The following LRP1B variants were observed in gnomAD, a reference collection of about 807,000 sequenced individuals.
LRP1B encodes the protein low-density lipoprotein receptor-related protein 1B.
Under a neutral mutation model 556.6 loss-of-function variants are expected in LRP1B, and 217 were observed. The ratio of observed to expected loss-of-function variants is 0.39; its 90% CI spans 0.35 to 0.44. The LOEUF (loss-of-function observed/expected upper bound fraction) is 0.44, where lower values mean the gene tolerates loss of function less well. Ranked by LOEUF, LRP1B falls within the 20% of genes least tolerant of loss-of-function variation. The pLI, the probability that LRP1B is intolerant of heterozygous loss-of-function variation, is 1.00. For missense variants in LRP1B, 5,053 were observed against 5,620.8 expected, an observed-to-expected ratio of 0.90 and a Z score of 3.23; for synonymous variants, 2,047 against 1,865.8, an observed-to-expected ratio of 1.10 and a Z score of -2.50.
chr2:140,614,558 C>T (rs1683192982), intron 41 of LRP1B, among the ~76,000 whole-genome samples: 3 of 151,956 alleles, frequency 2.0e-5, no homozygotes, highest in Non-Finnish European at 4.4e-5. Context: ...AGAATAAGAG[C>T]AGAAAATTGG....
chr2:140,570,547 G>A (rs1294233993), intron 43 of LRP1B, among the ~76,000 whole-genome samples: 3 of 151,644 alleles, frequency 2.0e-5, no homozygotes, highest in African/African-American at 7.3e-5. Flanking sequence ...TCTCCCATCA[G>A]AGAAAGGCCC....
intron 3 of LRP1B, among the ~76,000 whole-genome samples, chr2:141,378,223 G>T (rs1689508615): frequency 6.6e-6 from 1 of 152,130 alleles, no homozygotes; most frequent in Non-Finnish European, 1.5e-5. Context: ...AGCCTGTGAA[G>T]AAACAAAAGA....
intron 29 of LRP1B, among the ~76,000 whole-genome samples, chr2:140,848,012 AT>A (rs535761297): frequency 2.7e-3 from 401 of 150,984 alleles, no homozygotes; most frequent in Non-Finnish European, 4.3e-3. Context: ...ATTGTCTCCT[AT>A]TTTTTTTTAA....
intron 2 of LRP1B, among the ~76,000 whole-genome samples, chr2:141,702,565 C>T (rs1691979178): frequency 1.4e-5 from 2 of 139,728 alleles, no homozygotes; most frequent in South Asian, 2.4e-4. Flanking sequence ...TTTGAGGTGG[C>T]CACCTGTAGG....
chr2:140,748,792 T>TCC (rs1559094686), intron 35 of LRP1B, among the ~76,000 whole-genome samples: 1 of 48,644 alleles, frequency 2.1e-5, no homozygotes, highest in African/African-American at 6.7e-5. Flanking sequence ...ATAATATATA[T>TCC]TATATACATA....
chr2:141,188,724 C>A, intron 6 of LRP1B, 141 bp from the exon 7 acceptor site: 1 of 638,214 alleles, frequency 1.6e-6, no homozygotes. Context: ...TGCAAAGTCT[C>A]TTGCTATGCC....
chr2:140,253,131 TACTTG>T (rs2104910970), intron 86 of LRP1B, among the ~76,000 whole-genome samples: 1 of 152,152 alleles, frequency 6.6e-6, no homozygotes, highest in South Asian at 2.1e-4. Flanking sequence ...GTAATAAATT[TACTTG>T]ATTCAACTCT....
intron 66 of LRP1B, among the ~76,000 whole-genome samples, chr2:140,431,239 A>C (rs951036500): frequency 6.6e-6 from 1 of 152,118 alleles, no homozygotes; most frequent in East Asian, 1.9e-4. Context: ...CACCTCCCCA[A>C]GCTCAGCCAG....
At chr2:141,156,098 T>C (rs775471770) in intron 7 of LRP1B, among the ~76,000 whole-genome samples, 19 of 152,256 alleles carry the variant, frequency 1.2e-4, no homozygotes, top group Non-Finnish European at 2.1e-4. Context: ...AGAAACACAA[T>C]GGACTAACCT....
At chr2:142,126,406 C>G (rs1319555212) in intron 1 of LRP1B, among the ~76,000 whole-genome samples, 1 of 151,678 alleles carries the variant, frequency 6.6e-6, no homozygotes, top group Non-Finnish European at 1.5e-5. Flanking sequence ...CATTTTAAAG[C>G]AGATATACAG....
intron 7 of LRP1B, among the ~76,000 whole-genome samples, chr2:141,128,745 C>G (rs1030412987): frequency 6.6e-6 from 1 of 152,112 alleles, no homozygotes; most frequent in Admixed American, 6.6e-5. Context: ...CTCAGCCTCC[C>G]GAGTAGCTGG....
At chr2:141,470,688 T>C (rs1293567145) in intron 3 of LRP1B, among the ~76,000 whole-genome samples, 1 of 152,184 alleles carries the variant, frequency 6.6e-6, no homozygotes, top group Non-Finnish European at 1.5e-5. Context: ...TTTAATTCCT[T>C]GCTTTTTAAA....
chr2:141,136,139 A>G (rs1466936192), intron 7 of LRP1B, among the ~76,000 whole-genome samples: 1 of 151,904 alleles, frequency 6.6e-6, no homozygotes, highest in African/African-American at 2.4e-5. Context: ...GACATAGGCT[A>G]TATATTTAAG....
intron 7 of LRP1B, among the ~76,000 whole-genome samples, chr2:141,158,890 A>G (rs775399238): frequency 6.6e-6 from 1 of 152,170 alleles, no homozygotes; most frequent in Non-Finnish European, 1.5e-5. Context: ...CTCAGCTGGA[A>G]GCATCAATCT....
At chr2:140,323,761 T>TCAAAATTAAAGTTACTTAAGTTAC in intron 81 of LRP1B, 132 bp downstream of exon 81, 1 of 434,594 alleles carries the variant, frequency 2.3e-6, no homozygotes, top group Non-Finnish European at 4.0e-6. Context: ...TCTAGTGACA[T>TCAAAATTAAAGTTACTTAAGTTAC]CAAAATTAAA....
intron 1 of LRP1B, among the ~76,000 whole-genome samples, chr2:141,843,478 A>G (rs1697545185): frequency 6.6e-6 from 1 of 152,294 alleles, no homozygotes; most frequent in Admixed American, 6.5e-5. Flanking sequence ...ATCACAATCT[A>G]AGTTGTGCCC....
chr2:141,663,930 A>AC (rs1690321464), intron 2 of LRP1B, among the ~76,000 whole-genome samples: 2 of 151,676 alleles, frequency 1.3e-5, no homozygotes, highest in East Asian at 1.9e-4. Flanking sequence ...CAAAAAAAAA[A>AC]AAAAAACAAA....
At position 141,032,826 on chromosome 2, in the gene LRP1B, C is replaced by CAT. The variant is rs71391641; in HGVS notation, c.1790-12726_1790-12725dup. Among the ~76,000 whole-genome samples the CAT allele has an allele frequency of 8.3e-4, 105 of 126,612 alleles. 5 individuals carry two copies. Among genetic ancestry groups the CAT allele is most frequent in the African/African-American group, 2.1e-3 (69 of 33,002 alleles). The allele number at this position is 126,612 out of a possible 152,430, so 83.1% of individuals were successfully genotyped here. ...ATGTGTGTGTGTATATATATACATACATATATATATATATGCAGGCATATG... is the reference window on the plus strand; with the variant it reads ...ATGTGTGTGTGTATATATATACATACATATATATATATATATGCAGGCATATG... On this transcript the variant is annotated intron_variant, in intron 11 of 90. Coordinates refer to ENST00000389484, the MANE Select transcript of LRP1B (RefSeq NM_018557.3).
intron 66 of LRP1B, among the ~76,000 whole-genome samples, chr2:140,417,365 G>C (rs1021492761): frequency 3.9e-5 from 6 of 152,126 alleles, no homozygotes; most frequent in African/African-American, 1.4e-4. Flanking sequence ...TTCCTCTTTT[G>C]ACTAAAACCA....
Sources: allele counts gnomAD v4.1 joint callset (sites outside exome capture counted in the v4.1 genomes callset), GRCh38; gene constraint gnomAD v4.1.1; transcripts MANE v1.5; gene names NCBI Gene and HGNC (gene_info 2026-07-23, HGNC 2026-07-21).